The following CEP250 variants were observed in gnomAD, a reference collection of about 807,000 sequenced individuals.
The protein encoded by CEP250 is centrosome-associated protein CEP250.
A neutral mutation model predicts 315.7 loss-of-function variants in CEP250; 242 were observed. That is an observed-to-expected ratio of 0.77 (90% CI 0.69 to 0.85). The LOEUF (loss-of-function observed/expected upper bound fraction) is 0.85. Ranked by LOEUF, CEP250 falls within the 40% of genes least tolerant of loss-of-function variation. The pLI is 0.00. For synonymous variants in CEP250, 1,088 were observed against 1,175.0 expected, an observed-to-expected ratio of 0.93 and a Z score of 1.51; for missense variants, 2,515 against 2,886.4, an observed-to-expected ratio of 0.87 and a Z score of 2.95.
intron 24 of CEP250, among the ~76,000 whole-genome samples, chr20:35,496,262 G>A (rs776192265): frequency 1.2e-4 from 18 of 151,918 alleles, no homozygotes; most frequent in African/African-American, 1.9e-4. Context: ...ATTTGAACCC[G>A]GGAGGCAGAG....
chr20:35,463,035 A>G (rs1395480418), intron 4 of CEP250, among the ~76,000 whole-genome samples: 1 of 152,242 alleles, frequency 6.6e-6, no homozygotes, highest in Admixed American at 6.5e-5. Context: ...TATAAAAGGC[A>G]TATAGAAAGT....
At chr20:35,468,386 A>G (rs2062943149) in intron 9 of CEP250, among the ~76,000 whole-genome samples, 1 of 151,996 alleles carries the variant, frequency 6.6e-6, no homozygotes, top group Non-Finnish European at 1.5e-5. Flanking sequence ...TTTTTTGGTG[A>G]GGCTGTTTTA....
chr20:35,493,423 C>G lies in CEP250; in HGVS notation c.2890-6C>G. 1 of 1,575,744 alleles carries G rather than the reference C, an allele frequency of 6.3e-7. No homozygotes were observed. The highest frequency in any genetic ancestry group is 8.6e-7 in the Non-Finnish European group (1 of 1,165,324). On this transcript the variant is annotated splice_polypyrimidine_tract_variant and splice_region_variant and intron_variant, in intron 22 of 34. Transcript: ENST00000397527. The stretch of plus-strand genomic sequence containing the variant: ...CTCTACTCAATGATTTCTTATCCCT[C>G]TTCAGGAGACCACTGGGATACTACA...
chr20:35,485,064 T>TAAAAAAAAAA (rs587596547), intron 20 of CEP250, among the ~76,000 whole-genome samples: 1 of 129,244 alleles, frequency 7.7e-6, no homozygotes, highest in Non-Finnish European at 1.6e-5. Context: ...CCTATCTCTT[T>TAAAAAAAAAA]AAAAAAAAAA....
intron 15 of CEP250, 139 bp downstream of exon 15, chr20:35,475,785 C>A: frequency 2.3e-6 from 2 of 874,010 alleles, no homozygotes; most frequent in Non-Finnish European, 3.5e-6. Flanking sequence ...TTCTCTATTC[C>A]AACATACCCT....
intron 33 of CEP250, among the ~76,000 whole-genome samples, chr20:35,509,446 A>G (rs1230831107): frequency 6.6e-6 from 1 of 152,140 alleles, no homozygotes; most frequent in Non-Finnish European, 1.5e-5. Flanking sequence ...TGTTGAGTTT[A>G]TAGGCTTAGG....
intron 21 of CEP250, 61 bp from the exon 22 acceptor site, chr20:35,491,151 C>T: frequency 6.3e-7 from 1 of 1,575,228 alleles, no homozygotes; most frequent in Admixed American, 1.8e-5. Context: ...GTGCTTGTGG[C>T]CTCGTTGGTG....
intron 22 of CEP250, 95 bp from the exon 23 acceptor site, chr20:35,493,334 C>T: frequency 8.5e-7 from 1 of 1,176,464 alleles, no homozygotes; most frequent in Non-Finnish European, 1.2e-6. Context: ...ATGTGGATTG[C>T]TGGCTCCTGC....
rs1568847562 is a variant in CEP250 at position 35,508,949 on chromosome 20, C to T, written c.6913C>T (p.Arg2305Ter). ...CTTATTTGCACCTTGGCAGGTGGAGCGAGAACGGAGGAAGCTGAAGAGGGA... is the reference window on the plus strand; with the variant it reads ...CTTATTTGCACCTTGGCAGGTGGAGTGAGAACGGAGGAAGCTGAAGAGGGA... ...QLRSTLEQVE[R>*]ERRKLKREAM... The change falls in exon 33 of 35, where the codon CGA (arginine) becomes TGA (stop). Residue 2305 changes from arginine to a stop codon, truncating the protein, a stop_gained. Transcript: ENST00000397527. LOFTEE classifies it high-confidence loss of function. 1 of 1,553,054 alleles carries T rather than the reference C, an allele frequency of 6.4e-7. No individual in the cohort carries two copies. The highest frequency in any genetic ancestry group is 2.4e-5 in the East Asian group (1 of 41,312).
At chr20:35,463,066 A>T (rs1326184933) in intron 4 of CEP250, among the ~76,000 whole-genome samples, 2 of 152,198 alleles carry the variant, frequency 1.3e-5, no homozygotes, top group Non-Finnish European at 2.9e-5. Context: ...TTATTTATTT[A>T]TTTTTGAGAC....
chr20:35,492,160 G>A (rs146622849), intron 22 of CEP250, among the ~76,000 whole-genome samples: 6 of 152,252 alleles, frequency 3.9e-5, no homozygotes, highest in South Asian at 2.1e-4. Context: ...AGACTTGAAG[G>A]TTAGAAAGAA....
At chr20:35,495,700 A>G (rs2063816913) in intron 24 of CEP250, among the ~76,000 whole-genome samples, 2 of 152,142 alleles carry the variant, frequency 1.3e-5, no homozygotes, top group Non-Finnish European at 2.9e-5. Context: ...CAGTGAGCTG[A>G]GATCACACCA....
rs760834879 is a variant in CEP250, at chr20:35,512,075, CATTT to C, written c.*453_*456del. ...CAAAGATTCCTGTTGAGGTAGCATGCATTTATTGTACACCATGCACTGTGATAGG... is the reference window on the plus strand; with the variant it reads ...CAAAGATTCCTGTTGAGGTAGCATGCATTGTACACCATGCACTGTGATAGG... On this transcript the variant is annotated 3_prime_UTR_variant, in exon 35 of 35. Coordinates refer to ENST00000397527, the MANE Select transcript of CEP250 (RefSeq NM_007186.6). 2 of 1,014,032 alleles carry C rather than the reference CATTT, an allele frequency of 2.0e-6. No individual in the cohort carries two copies. The highest frequency in any genetic ancestry group is 2.4e-6 in the Non-Finnish European group (2 of 846,156). The allele number at this position is 1,014,032 out of a possible 1,614,324, so 62.8% of individuals were successfully genotyped here. A position where few individuals can be genotyped will look rare whatever the true frequency, so the allele number is the denominator to read the frequency against.
In CEP250 at chr20:35,503,528, A is replaced by G. The variant is rs751235406; in HGVS notation, c.5159A>G (p.Gln1720Arg). The change falls in exon 30 of 35, where the codon CAG (glutamine) becomes CGG (arginine). Residue 1720 changes from glutamine to arginine, a missense_variant. By Grantham distance (43) the Gln-to-Arg change is conservative (BLOSUM62 1). Coordinates refer to ENST00000397527, the MANE Select transcript of CEP250 (RefSeq NM_007186.6). The surrounding 1 kb of genome is among the most constrained non-coding windows in gnomAD (Gnocchi z 4.2). ...GAAGGGAAGGGCCCAAGTAAAGCAC[A>G]GCGCGGGAGCCTAGAGCACATGAAG... ...AEEGKGPSKAQRGSLEHMKLI... is the reference protein window; with the variant it reads ...AEEGKGPSKARRGSLEHMKLI... 3.1e-6 allele frequency: 5 copies of G among 1,614,096 alleles called. No homozygotes were observed. Among genetic ancestry groups the G allele is most frequent in the Non-Finnish European group, 4.2e-6 (5 of 1,180,016 alleles).
In CEP250 at chr20:35,516,276, A is replaced by G. The variant is rs2064435255; in HGVS notation, c.*4650A>G. ...CAAATGTGATTCTTTCTTAATTACT[A>G]CCAGTTGTTCAGGTGAGGGAATCAG... On this transcript the variant is annotated 3_prime_UTR_variant, in exon 35 of 35. Transcript: ENST00000397527. The G allele has an allele frequency of 6.6e-6, 1 of 152,212 alleles. No individual in the cohort carries two copies. The allele number at this position is 152,212 out of a possible 1,614,324, so 9.4% of individuals were successfully genotyped here.
chr20:35,476,311 A>G (rs1193499349), intron 15 of CEP250, 138 bp from the exon 16 acceptor site: 3 of 729,454 alleles, frequency 4.1e-6, no homozygotes, highest in Non-Finnish European at 6.6e-6. Flanking sequence ...TGAAGGGAAA[A>G]CTTGTTTAGA....
Position 35,480,056 on chromosome 20 carries a change from C to T in CEP250, c.2497C>T (p.Leu833=). 6.2e-7 allele frequency: 1 copy of T among 1,613,214 alleles called. No individual in the cohort carries two copies. Among genetic ancestry groups the T allele is most frequent in the Non-Finnish European group, 8.5e-7 (1 of 1,180,030 alleles). ...EQERDAAARQ[L]AQAEQEGKTA... ...GGAGCGGGATGCTGCAGCCAGACAG[C>T]TGGCCCAGGCTGAGCAAGAAGGGAA... The change falls in exon 20 of 35, where the codon CTG becomes TTG. Residue 833 remains leucine, a synonymous_variant. Coordinates refer to ENST00000397527, the MANE Select transcript of CEP250 (RefSeq NM_007186.6).
In CEP250 at chr20:35,469,985, T is replaced by C; in HGVS notation, c.947T>C (p.Leu316Pro). ...GCTCTGAGAGAGACAGTGGAGATCC[T>C]GGTACATGATCCTTTGCTCTGGAAA... ...IKALRETVEI[L>P]ETNHTELMEH... Residue 316 changes from leucine (L) to proline (P), a missense_variant and splice_region_variant, in exon 10 of 35, where the codon CTG becomes CCG. Coordinates refer to ENST00000397527, the MANE Select transcript of CEP250 (RefSeq NM_007186.6). 6 of 1,606,486 alleles carry C rather than the reference T, an allele frequency of 3.7e-6. No homozygotes were observed. The highest frequency in any genetic ancestry group is 5.1e-6 in the Non-Finnish European group (6 of 1,173,076).
At chr20:35,472,024 G>A in intron 10 of CEP250, 26 bp from the exon 11 acceptor site, 1 of 1,365,352 alleles carries the variant, frequency 7.3e-7, no homozygotes. Context: ...GTTTGGCTCT[G>A]AGGCTCTGTT....
Sources: allele counts gnomAD v4.1 joint callset (sites outside exome capture counted in the v4.1 genomes callset), GRCh38; gene constraint gnomAD v4.1.1; non-coding constraint Gnocchi (gnomAD v3.1); transcripts MANE v1.5; gene names NCBI Gene and HGNC (gene_info 2026-07-23, HGNC 2026-07-21).